Variants in MTUS2 observed in about 807,000 individuals in gnomAD.
MTUS2 encodes microtubule-associated tumor suppressor candidate 2.
Under a neutral mutation model 114.1 loss-of-function variants are expected in MTUS2, and 40 were observed. The observed-to-expected ratio is 0.35, with a 90% confidence interval of 0.27 to 0.46. The LOEUF (loss-of-function observed/expected upper bound fraction) is 0.46. Among genes scored for constraint, MTUS2 ranks in the 20% least tolerant of loss-of-function variants. MTUS2 has a pLI of 1.00. For synonymous variants in MTUS2, 688 were observed against 672.0 expected (o/e 1.02, Z -0.37); for missense variants, 1,679 against 1,705.4 (o/e 0.98, Z 0.27).
chr13:28,948,758 GA>G (rs1283403368), intron 2 of MTUS2, among the ~76,000 whole-genome samples: 1 of 152,174 alleles, frequency 6.6e-6, no homozygotes. Flanking sequence ...GGCAGCAGGG[GA>G]ACAGGGGTGG....
chr13:29,478,484 T>C (rs1382271489), intron 9 of MTUS2, among the ~76,000 whole-genome samples: 1 of 152,132 alleles, frequency 6.6e-6, no homozygotes, highest in Admixed American at 6.5e-5. Context: ...TAAAAAGCCC[T>C]CAAGAGTTCA....
chr13:29,271,673 C>T (rs1023166), intron 5 of MTUS2, among the ~76,000 whole-genome samples: 94,661 of 152,042 alleles, frequency 0.62, 29,567 homozygotes, highest in South Asian at 0.77. Flanking sequence ...TTGCCAAGTG[C>T]GGGTTTATAA....
At chr13:29,074,866 C>T (rs569103417) in intron 4 of MTUS2, among the ~76,000 whole-genome samples, 2 of 152,316 alleles carry the variant, frequency 1.3e-5, no homozygotes, top group African/African-American at 2.4e-5. Flanking sequence ...ATATAATTCA[C>T]ATATTTCACT....
rs570337641 is a variant in MTUS2, at chr13:29,034,701, C to T, written c.2446+576C>T. Among the ~76,000 whole-genome samples, 22 of 152,268 alleles carry T rather than the reference C, an allele frequency of 1.4e-4. No individual in the cohort carries two copies. The South Asian group carries it at 3.5e-3, about 24-fold the overall frequency. ...GTTTGAAATGTCTTTGGTCATCCGG[C>T]AGGATACAGCATGGGATTTATGGGA... On this transcript the variant is annotated intron_variant, in intron 4 of 15. Transcript: ENST00000612955.
At chr13:29,158,157 A>G (rs1199682124) in intron 5 of MTUS2, among the ~76,000 whole-genome samples, 1 of 152,080 alleles carries the variant, frequency 6.6e-6, no homozygotes, top group Non-Finnish European at 1.5e-5. Flanking sequence ...GACTCCCTCA[A>G]ACGTCTTTGC....
In MTUS2 at chr13:29,212,697, G is replaced by A. The variant is rs551989789; in HGVS notation, c.2645-69007G>A. Among the ~76,000 whole-genome samples the A allele has an allele frequency of 3.9e-5, 6 of 152,392 alleles. No individual in the cohort carries two copies. The South Asian group carries it at 1.2e-3, about 32-fold the overall frequency. On this transcript the variant is annotated intron_variant, in intron 5 of 15. Coordinates refer to ENST00000612955, the MANE Select transcript of MTUS2 (RefSeq NM_001033602.4). ...ATATTATAAAGGATACAGATGAACA[G>A]CTGGATGAGGAAGTACATAGAGTCA...
chr13:29,417,859 T>A (rs994817238), intron 8 of MTUS2, among the ~76,000 whole-genome samples: 8 of 152,372 alleles, frequency 5.3e-5, no homozygotes, highest in Non-Finnish European at 8.8e-5. Context: ...TTGTAATAAC[T>A]CTGTATCTGC....
intron 5 of MTUS2, among the ~76,000 whole-genome samples, chr13:29,103,562 G>A (rs561450810): frequency 6.6e-6 from 1 of 152,360 alleles, no homozygotes; most frequent in South Asian, 2.1e-4. Flanking sequence ...CAGAGAATGA[G>A]TTGTGAATGA....
At chr13:29,020,282 C>T (rs1451127919) in intron 2 of MTUS2, among the ~76,000 whole-genome samples, 2 of 152,150 alleles carry the variant, frequency 1.3e-5, no homozygotes, top group South Asian at 2.1e-4. Flanking sequence ...GGAAAATGCA[C>T]CTCAACTAGG....
chr13:28,934,128 C>T (rs1231060668), intron 2 of MTUS2, among the ~76,000 whole-genome samples: 2 of 152,110 alleles, frequency 1.3e-5, no homozygotes, highest in Non-Finnish European at 2.9e-5. Context: ...AAGGCTCTTG[C>T]CAGAAAATAA....
At chr13:29,064,362 G>C (rs892477360) in intron 4 of MTUS2, among the ~76,000 whole-genome samples, 7 of 150,436 alleles carry the variant, frequency 4.7e-5, no homozygotes, top group Non-Finnish European at 7.4e-5. Context: ...GATTGTGGGG[G>C]GATTTCAGCG....
chr13:29,132,188 T>C (rs1891794711), intron 5 of MTUS2, among the ~76,000 whole-genome samples: 1 of 152,244 alleles, frequency 6.6e-6, no homozygotes, highest in Non-Finnish European at 1.5e-5. Flanking sequence ...TTTTATGGGA[T>C]AAAGTAAAAT....
intron 5 of MTUS2, among the ~76,000 whole-genome samples, chr13:29,229,141 C>CA (rs1896226616): frequency 1.3e-5 from 2 of 152,088 alleles, no homozygotes; most frequent in South Asian, 4.1e-4. Flanking sequence ...GGGTTGGTTT[C>CA]TGCTGGCTCC....
chr13:29,310,630 G>C (rs4384464), intron 6 of MTUS2, among the ~76,000 whole-genome samples: 1 of 151,996 alleles, frequency 6.6e-6, no homozygotes, highest in South Asian at 2.1e-4. Flanking sequence ...TAGCCAATAA[G>C]CATATTTAAA....
At chr13:29,417,977 G>A (rs968126040) in intron 8 of MTUS2, among the ~76,000 whole-genome samples, 1 of 152,140 alleles carries the variant, frequency 6.6e-6, no homozygotes, top group Non-Finnish European at 1.5e-5. Context: ...GTGGAGTTGG[G>A]GGGTAACTGG....
chr13:29,017,713 A>T (rs1566295179), intron 2 of MTUS2, among the ~76,000 whole-genome samples: 1 of 151,932 alleles, frequency 6.6e-6, no homozygotes, highest in Non-Finnish European at 1.5e-5. Flanking sequence ...GAAAAAAAAA[A>T]AAACTCACAT....
intron 2 of MTUS2, among the ~76,000 whole-genome samples, chr13:29,023,543 T>C (rs913005862): frequency 1.4e-4 from 22 of 152,296 alleles, no homozygotes; most frequent in African/African-American, 5.1e-4. Context: ...ACCTCTGAAT[T>C]CTAAAGCATG....
Position 29,002,110 on chromosome 13 carries a change from T to C in MTUS2, c.-242-22347T>C, listed in dbSNP as rs200436260. Among the ~76,000 whole-genome samples the C allele has an allele frequency of 4.6e-5, 7 of 152,332 alleles. No individual in the cohort carries two copies. In the East Asian group the frequency reaches 7.7e-4, roughly 17 times the overall value. Reference sequence around the variant, plus strand: ...TGCAAGATAATAAATTTGTGTTGTCTTGAGCCAGTAAGTTGTAATTTGTTA... The same window carrying C: ...TGCAAGATAATAAATTTGTGTTGTCCTGAGCCAGTAAGTTGTAATTTGTTA... On this transcript the variant is annotated intron_variant, in intron 2 of 15. Coordinates refer to ENST00000612955, the MANE Select transcript of MTUS2 (RefSeq NM_001033602.4).
rs982047935 is a variant in MTUS2, at chr13:29,231,562, A to C, written c.2645-50142A>C. Among the ~76,000 whole-genome samples, 3 of 152,202 alleles carry C rather than the reference A, an allele frequency of 2.0e-5. No individual in the cohort carries two copies. In the South Asian group the frequency reaches 6.2e-4, roughly 32 times the overall value. On this transcript the variant is annotated intron_variant, in intron 5 of 15. Transcript: ENST00000612955. ...TTTCAGGCTACACTTATATTTACAA[A>C]AGGTTATTTCTGTGTGTTCAGGATA...
Sources: allele counts gnomAD v4.1 joint callset (sites outside exome capture counted in the v4.1 genomes callset), GRCh38; gene constraint gnomAD v4.1.1; transcripts MANE v1.5; gene names NCBI Gene and HGNC (gene_info 2026-07-23, HGNC 2026-07-21).